The following SNCAIP variants were observed in gnomAD, a reference collection of about 807,000 sequenced individuals.
SNCAIP encodes synphilin-1.
In SNCAIP, 43 loss-of-function variants were observed where a neutral mutation model predicts 86.7. The observed-to-expected ratio is 0.50, with a 90% CI of 0.39 to 0.64. The LOEUF (loss-of-function observed/expected upper bound fraction) is 0.64. SNCAIP is among the 30% of genes least tolerant of loss of function. SNCAIP has a pLI of 0.00. For missense variants in SNCAIP, 981 were observed against 1,103.1 expected (o/e 0.89, Z 1.57); for synonymous variants, 417 against 427.2 (o/e 0.98, Z 0.29).
intron 1 of SNCAIP, among the ~76,000 whole-genome samples, chr5:122,322,176 A>G (rs1753083293): frequency 6.6e-6 from 1 of 152,226 alleles, no homozygotes; most frequent in South Asian, 2.1e-4. Context: ...CTCTGAGAGA[A>G]CTGGAGATTT....
chr5:122,394,091 T>TC (rs533495594), intron 2 of SNCAIP, among the ~76,000 whole-genome samples: 1 of 152,008 alleles, frequency 6.6e-6, no homozygotes, highest in East Asian at 1.9e-4. Context: ...CAATTTTCTT[T>TC]TTTTTTTTTG....
chr5:122,400,984 AG>A, intron 2 of SNCAIP: 1 of 1,548,982 alleles, frequency 6.5e-7, no homozygotes, highest in Non-Finnish European at 8.7e-7. Context: ...TTCTCACCCA[AG>A]GACAATAGGA....
chr5:122,381,165 T>C (rs1430278235), intron 1 of SNCAIP, among the ~76,000 whole-genome samples: 1 of 136,102 alleles, frequency 7.3e-6, no homozygotes, highest in Non-Finnish European at 1.6e-5. Context: ...ATTATTAATG[T>C]GTGGGAGTCT....
chr5:122,357,229 T>TTTTA lies in SNCAIP; in HGVS notation c.-46-33840_-46-33837dup, dbSNP rs554817683. Among the ~76,000 whole-genome samples, 441 of 152,092 alleles carry TTTTA rather than the reference T, an allele frequency of 2.9e-3. 4 individuals are homozygous for TTTTA. Among genetic ancestry groups the TTTTA allele is most frequent in the African/African-American group, 9.5e-3 (396 of 41,488 alleles). The stretch of plus-strand genomic sequence containing the variant: ...GTCTGCCCTAATGTTACCTCTTTAT[T>TTTTA]TTTATTTATTTATTTATTTATTTCA... On this transcript the variant is annotated intron_variant, in intron 1 of 10. Transcript: ENST00000261368.
At chr5:122,406,873 C>A (rs531875284) in intron 3 of SNCAIP, among the ~76,000 whole-genome samples, 1 of 151,950 alleles carries the variant, frequency 6.6e-6, no homozygotes, top group Non-Finnish European at 1.5e-5. Context: ...AATATGATAC[C>A]CCACGAGACA....
At chr5:122,417,726 T>G (rs1203478764) in intron 3 of SNCAIP, among the ~76,000 whole-genome samples, 1 of 151,956 alleles carries the variant, frequency 6.6e-6, no homozygotes, top group Non-Finnish European at 1.5e-5. Context: ...CCCTTCCTCC[T>G]TCCCTCCCCA....
At position 122,423,292 on chromosome 5, in the gene SNCAIP, T is replaced by C. The variant is rs1318576609; in HGVS notation, c.555T>C (p.Asn185=). 1.2e-6 allele frequency: 2 copies of C among 1,614,194 alleles called. No individual in the cohort carries two copies. The highest frequency in any genetic ancestry group is 1.3e-5 in the African/African-American group (1 of 75,062). Residue 185 remains asparagine, a synonymous_variant, in exon 4 of 11, where the codon AAT becomes AAC. Transcript: ENST00000261368. ...KRILGLCTTI[N]GLSGKACSTG... ...TTTTGGGCTTATGCACAACCATCAA[T>C]GGCCTTTCTGGCAAAGCCTGCTCTA... is the stretch of plus-strand genomic sequence containing the variant.
At chr5:122,374,655 T>C (rs757555410) in intron 1 of SNCAIP, among the ~76,000 whole-genome samples, 18 of 152,144 alleles carry the variant, frequency 1.2e-4, no homozygotes, top group Non-Finnish European at 2.2e-4. Context: ...CATTAAGCTA[T>C]TATATGTTAA....
At chr5:122,372,130 T>A (rs1247776055) in intron 1 of SNCAIP, among the ~76,000 whole-genome samples, 1 of 151,730 alleles carries the variant, frequency 6.6e-6, no homozygotes, top group East Asian at 1.9e-4. Context: ...GCACTAGGAG[T>A]TTTTCATACC....
intron 3 of SNCAIP, among the ~76,000 whole-genome samples, chr5:122,410,823 A>C (rs1437797556): frequency 1.3e-5 from 2 of 152,230 alleles, no homozygotes; most frequent in Non-Finnish European, 2.9e-5. Flanking sequence ...TCCGTCTCAA[A>C]AAACAAACAA....
Position 122,354,883 on chromosome 5 carries a change from A to G in SNCAIP, c.-46-36206A>G, listed in dbSNP as rs549102607. 3.2e-4 allele frequency among the ~76,000 whole-genome samples: 48 copies of G among 152,310 alleles called. 1 individual carries two copies. The South Asian group carries it at 8.1e-3, about 26-fold the overall frequency. On this transcript the variant is annotated intron_variant, in intron 1 of 10. Coordinates refer to ENST00000261368, the MANE Select transcript of SNCAIP (RefSeq NM_005460.4). ...TTGCATTTCAAAACCAACAATATTA[A>G]TTTCCAGTTGTATTTCTTTTCCTTT...
At position 122,325,196 on chromosome 5, in the gene SNCAIP, T is replaced by C. The variant is rs373867363; in HGVS notation, c.-47+12912T>C. On this transcript the variant is annotated intron_variant, in intron 1 of 10. Transcript: ENST00000261368. ...CAGATCCATTCTCCCTTTCTCCACC[T>C]GCTCTGTGTGATAAGATGGCTGGCC... Among the ~76,000 whole-genome samples, 6 of 152,224 alleles carry C rather than the reference T, an allele frequency of 3.9e-5. 1 individual carries two copies. The highest frequency in any genetic ancestry group is 1.4e-4 in the African/African-American group (6 of 41,454).
chr5:122,392,151 C>A (rs960615886), intron 2 of SNCAIP, among the ~76,000 whole-genome samples: 1 of 152,126 alleles, frequency 6.6e-6, no homozygotes, highest in Non-Finnish European at 1.5e-5. Context: ...ATCTACTTTA[C>A]TCCTTACCTT....
chr5:122,319,319 A>G (rs182117503), intron 1 of SNCAIP, among the ~76,000 whole-genome samples: 1 of 152,164 alleles, frequency 6.6e-6, no homozygotes, highest in Non-Finnish European at 1.5e-5. Flanking sequence ...TTACTTATAA[A>G]TTCCAGTCAT....
chr5:122,406,626 C>T (rs552275297), intron 3 of SNCAIP, among the ~76,000 whole-genome samples: 2 of 152,172 alleles, frequency 1.3e-5, no homozygotes, highest in African/African-American at 4.8e-5. Flanking sequence ...CTCATGAGAT[C>T]TGGTTTAAAA....
chr5:122,425,098 A>G (rs1777099780), intron 4 of SNCAIP, among the ~76,000 whole-genome samples: 1 of 152,244 alleles, frequency 6.6e-6, no homozygotes. Context: ...TTAGAAAGCC[A>G]ACTTGAAGCC....
Position 122,443,127 on chromosome 5 carries a change from G to A in SNCAIP, c.1423-1436G>A, listed in dbSNP as rs2082692399. ...GTGAGGTAGGTGGCAATGGCTTTGT[G>A]GTGAGTTGACCTTTCATGGTGAGTG... On this transcript the variant is annotated intron_variant, in intron 7 of 10. Coordinates refer to ENST00000261368, the MANE Select transcript of SNCAIP (RefSeq NM_005460.4). 2.6e-5 allele frequency among the ~76,000 whole-genome samples: 4 copies of A among 152,130 alleles called. No homozygotes were observed. The South Asian group carries it at 8.3e-4, about 32-fold the overall frequency.
chr5:122,361,548 AGC>A (rs1232409849), intron 1 of SNCAIP, among the ~76,000 whole-genome samples: 3 of 152,210 alleles, frequency 2.0e-5, no homozygotes, highest in Non-Finnish European at 4.4e-5. Context: ...TGTTTGAAGG[AGC>A]TGTTTTTTTA....
intron 1 of SNCAIP, among the ~76,000 whole-genome samples, chr5:122,342,612 A>G (rs1175213033): frequency 1.3e-5 from 2 of 152,128 alleles, no homozygotes; most frequent in East Asian, 3.9e-4. Context: ...TCCCCAATTT[A>G]CAGATGAAGA....
Sources: allele counts gnomAD v4.1 joint callset (sites outside exome capture counted in the v4.1 genomes callset), GRCh38; gene constraint gnomAD v4.1.1; transcripts MANE v1.5; gene names NCBI Gene and HGNC (gene_info 2026-07-23, HGNC 2026-07-21).